SEMA3A: variants seen among roughly 807,000 people sequenced by gnomAD.
The protein encoded by SEMA3A is semaphorin 3A.
SEMA3A carries 29 observed loss-of-function variants against 97.9 expected under a neutral mutation model. That is an observed-to-expected ratio of 0.30 (90% CI 0.22 to 0.40). The LOEUF is 0.40. Among genes scored for constraint, SEMA3A ranks in the 10% least tolerant of loss-of-function variants. The probability of loss-of-function intolerance (pLI) is 1.00; values close to 1 mark genes in which losing one functional copy is unlikely to be tolerated. For synonymous variants in SEMA3A, 321 were observed against 323.7 expected (o/e 0.99, Z 0.09); for missense variants, 763 against 951.3 (o/e 0.80, Z 2.60).
intron 1 of SEMA3A, among the ~76,000 whole-genome samples, chr7:84,156,322 G>C (rs1297849926): frequency 6.6e-6 from 1 of 151,998 alleles, no homozygotes; most frequent in Non-Finnish European, 1.5e-5. Flanking sequence ...AGTCTCCACT[G>C]GTGTACCTTA....
At chr7:83,973,040 G>C (rs1788980635) in intron 15 of SEMA3A, among the ~76,000 whole-genome samples, 1 of 152,018 alleles carries the variant, frequency 6.6e-6, no homozygotes, top group South Asian at 2.1e-4. Context: ...AATTGTTCTT[G>C]ATCTGAGTTG....
intron 3 of SEMA3A, among the ~76,000 whole-genome samples, chr7:84,203,526 A>ATATATATATATATATATATATATAT (rs372380784): frequency 3.9e-5 from 1 of 25,660 alleles, no homozygotes; most frequent in Non-Finnish European, 7.1e-5. Context: ...ATATATATAT[A>ATATATATATATATATATATATATAT]TTTTTTTTTT....
chr7:84,105,669 C>A (rs1400201202), intron 4 of SEMA3A, among the ~76,000 whole-genome samples: 1 of 152,020 alleles, frequency 6.6e-6, no homozygotes, highest in Non-Finnish European at 1.5e-5. Context: ...CCTGAGACAT[C>A]TTCGAAAATC....
chr7:84,160,802 C>T (rs1250603516), intron 1 of SEMA3A, among the ~76,000 whole-genome samples: 1 of 151,918 alleles, frequency 6.6e-6, no homozygotes, highest in African/African-American at 2.4e-5. Context: ...ATTGCTTGAA[C>T]CCGGGAGGAG....
At chr7:84,079,394 C>T (rs1374988041) in intron 4 of SEMA3A, among the ~76,000 whole-genome samples, 3 of 150,476 alleles carry the variant, frequency 2.0e-5, no homozygotes, top group Non-Finnish European at 4.4e-5. Flanking sequence ...GCAAAAGAAA[C>T]TACCATCAGA....
chr7:84,384,096 A>C (rs1224538248), intron 1 of SEMA3A, among the ~76,000 whole-genome samples: 1 of 152,180 alleles, frequency 6.6e-6, no homozygotes, highest in South Asian at 2.1e-4. Flanking sequence ...GACACATGAA[A>C]GTTAATGAGT....
At chr7:83,992,016 C>G (rs1220551564) in intron 12 of SEMA3A, among the ~76,000 whole-genome samples, 1 of 139,772 alleles carries the variant, frequency 7.2e-6, no homozygotes, top group Admixed American at 7.3e-5. Flanking sequence ...TTGGTCTATT[C>G]AGAGATTCAA....
chr7:84,388,017 T>C (rs928149573), intron 1 of SEMA3A, among the ~76,000 whole-genome samples: 3 of 150,416 alleles, frequency 2.0e-5, no homozygotes, highest in East Asian at 3.9e-4. Context: ...AGATATAGGA[T>C]AGAAGTCACC....
chr7:84,058,848 T>A (rs1793100761), intron 5 of SEMA3A, among the ~76,000 whole-genome samples: 1 of 152,186 alleles, frequency 6.6e-6, no homozygotes, highest in African/African-American at 2.4e-5. Context: ...TTCAAAGATA[T>A]TCAAATATAA....
At chr7:84,227,222 T>C (rs1392571146) in intron 3 of SEMA3A, among the ~76,000 whole-genome samples, 1 of 151,724 alleles carries the variant, frequency 6.6e-6, no homozygotes, top group African/African-American at 2.4e-5. Flanking sequence ...ATGAAGAAGA[T>C]TCAACAGCCA....
chr7:84,195,655 C>T (rs188490390), upstream of SEMA3A, among the ~76,000 whole-genome samples: 128 of 152,138 alleles, frequency 8.4e-4, 1 homozygote, highest in Admixed American at 7.7e-3. Context: ...TAAATTACAA[C>T]GGGGGATTCT....
At chr7:84,196,353 T>TTC (rs60887913), upstream of SEMA3A, among the ~76,000 whole-genome samples, 4,412 of 149,208 alleles carry the variant, frequency 0.03, 178 homozygotes, top group African/African-American at 0.091. Context: ...TCGCTCTGCT[T>TTC]TCTCTCTCTC....
In SEMA3A at chr7:84,001,682, A is replaced by AATAATATAAAATG. The variant is rs1562965296; in HGVS notation, c.1452+272_1452+273insCATTTTATATTAT. Among the ~76,000 whole-genome samples, 493 of 152,202 alleles carry AATAATATAAAATG rather than the reference A, an allele frequency of 3.2e-3. 2 individuals are homozygous for AATAATATAAAATG. Among genetic ancestry groups the AATAATATAAAATG allele is most frequent in the African/African-American group, 0.011 (472 of 41,534 alleles). ...GAGTTTGTTCATTGAGGTAACTTAA[A>AATAATATAAAATG]TAATATAAAATGTAATATAAAATGT... On this transcript the variant is annotated intron_variant, in intron 12 of 16. Transcript: ENST00000265362.
intron 3 of SEMA3A, among the ~76,000 whole-genome samples, chr7:84,262,454 A>C (rs148970790): frequency 1.3e-5 from 2 of 152,178 alleles, no homozygotes; most frequent in Non-Finnish European, 2.9e-5. Flanking sequence ...ACCTCAGGTG[A>C]TCTAACCGTC....
chr7:84,443,880 CTTTTTTT>C (rs71078831), intron 1 of SEMA3A, among the ~76,000 whole-genome samples: 21 of 92,422 alleles, frequency 2.3e-4, no homozygotes, highest in African/African-American at 6.7e-4. Flanking sequence ...GTGCTTTGTC[CTTTTTTT>C]TTTTTTTTTT....
intron 5 of SEMA3A, among the ~76,000 whole-genome samples, chr7:84,059,335 G>A (rs1251940399): frequency 6.6e-6 from 1 of 152,098 alleles, no homozygotes; most frequent in Non-Finnish European, 1.5e-5. Context: ...GATAATTCAT[G>A]CCACAATGGA....
At chr7:84,337,487 T>C (rs1025998835) in intron 2 of SEMA3A, among the ~76,000 whole-genome samples, 2 of 152,162 alleles carry the variant, frequency 1.3e-5, no homozygotes, top group Non-Finnish European at 2.9e-5. Context: ...CAATCCATCA[T>C]TGCATTCATC....
intron 6 of SEMA3A, among the ~76,000 whole-genome samples, chr7:84,038,961 T>C (rs1303214202): frequency 1.3e-5 from 2 of 152,144 alleles, no homozygotes; most frequent in Non-Finnish European, 2.9e-5. Flanking sequence ...ATTCCTGATG[T>C]ACTAATTTCC....
intron 1 of SEMA3A, among the ~76,000 whole-genome samples, chr7:84,372,994 C>A (rs1368810633): frequency 6.6e-6 from 1 of 152,150 alleles, no homozygotes; most frequent in African/African-American, 2.4e-5. Flanking sequence ...AAAGCTGAGT[C>A]CTCAAGATAT....
Sources: allele counts gnomAD v4.1 joint callset (sites outside exome capture counted in the v4.1 genomes callset), GRCh38; gene constraint gnomAD v4.1.1; transcripts MANE v1.5; gene names NCBI Gene and HGNC (gene_info 2026-07-23, HGNC 2026-07-21).